Variants in PCDH11X observed in about 807,000 individuals in gnomAD.
PCDH11X encodes protocadherin 11 X-linked, also known as protocadherin-11 X-linked.
PCDH11X carries 18 observed loss-of-function variants against 53.3 expected under a neutral mutation model. That is an observed-to-expected ratio of 0.34 (90% CI 0.23 to 0.50). The LOEUF (loss-of-function observed/expected upper bound fraction) is 0.50, where lower values mean the gene tolerates loss of function less well. Ranked by LOEUF, PCDH11X falls within the 20% of genes least tolerant of loss-of-function variation. The pLI, the probability that PCDH11X is intolerant of heterozygous loss-of-function variation, is 0.98. For missense variants in PCDH11X, 570 were observed against 1,032.4 expected (o/e 0.55, Z 6.14); for synonymous variants, 279 against 393.3 (o/e 0.71, Z 3.44).
chrX:92,575,995 TATATATATATATATATACAC>T (rs767909801), intron 10 of PCDH11X, among the ~76,000 whole-genome samples: 841 of 54,826 alleles, frequency 0.015, 40 homozygotes, highest in South Asian at 0.035. Flanking sequence ...TATATATATA[TATATATATATATATATACAC>T]ACACACACAC....
intron 6 of PCDH11X, among the ~76,000 whole-genome samples, chrX:92,059,897 G>C (rs1362346563): frequency 1.8e-5 from 2 of 110,104 alleles, no homozygotes; most frequent in African/African-American, 6.6e-5. Context: ...GTCATCATTT[G>C]AAAAACTTAT....
intron 5 of PCDH11X, among the ~76,000 whole-genome samples, chrX:91,851,917 T>A (rs1417149435): frequency 9.0e-6 from 1 of 111,376 alleles, no homozygotes; most frequent in East Asian, 2.8e-4. Context: ...AAGCTTTGCT[T>A]TTCATGTTTT....
intron 6 of PCDH11X, among the ~76,000 whole-genome samples, chrX:92,135,388 C>G (rs1490921701): frequency 9.0e-6 from 1 of 110,656 alleles, no homozygotes; most frequent in Non-Finnish European, 1.9e-5. Flanking sequence ...ATATCCCATC[C>G]AGGAATGAAT....
At chrX:92,571,908 T>C (rs1180998819) in intron 10 of PCDH11X, among the ~76,000 whole-genome samples, 1 of 112,137 alleles carries the variant, frequency 8.9e-6, no homozygotes, top group African/African-American at 3.2e-5. Context: ...GTTGGTTAAA[T>C]AGAATATTTG....
chrX:92,529,306 T>C (rs2074513690), intron 10 of PCDH11X, among the ~76,000 whole-genome samples: 1 of 109,399 alleles, frequency 9.1e-6, no homozygotes, highest in African/African-American at 3.3e-5. Flanking sequence ...GAAAAGGTTA[T>C]TCTAACAGTG....
At chrX:92,106,162 G>T (rs941506645) in intron 6 of PCDH11X, among the ~76,000 whole-genome samples, 1 of 108,620 alleles carries the variant, frequency 9.2e-6, no homozygotes, top group Admixed American at 1.0e-4. Flanking sequence ...TCAGATTAAC[G>T]TTAGAATCAA....
chrX:92,418,890 T>C (rs770001770), intron 9 of PCDH11X, among the ~76,000 whole-genome samples: 1 of 106,232 alleles, frequency 9.4e-6, no homozygotes, highest in African/African-American at 3.4e-5. Flanking sequence ...TTTAATGTAA[T>C]GTTCCCTCTA....
At chrX:92,070,701 T>C (rs1186205016) in intron 6 of PCDH11X, among the ~76,000 whole-genome samples, 3 of 111,730 alleles carry the variant, frequency 2.7e-5, no homozygotes, top group Non-Finnish European at 5.6e-5. Context: ...TGAGTGTTTA[T>C]ATCTTTCTCT....
chrX:92,234,217 C>A (rs1424748665), intron 7 of PCDH11X, among the ~76,000 whole-genome samples: 2 of 111,932 alleles, frequency 1.8e-5, no homozygotes, highest in Non-Finnish European at 3.8e-5. Flanking sequence ...TTGTCTATAG[C>A]ATGTCAATAG....
chrX:92,458,999 C>T (rs1203864180), intron 9 of PCDH11X, among the ~76,000 whole-genome samples: 1 of 111,253 alleles, frequency 9.0e-6, no homozygotes, highest in East Asian at 2.8e-4. Context: ...TCATCAAAAG[C>T]GTAGGAGCGT....
intron 10 of PCDH11X, among the ~76,000 whole-genome samples, chrX:92,580,464 G>A (rs754241604): frequency 9.4e-5 from 10 of 106,079 alleles, no homozygotes; most frequent in Non-Finnish European, 1.9e-4. Flanking sequence ...AATGAGGCCC[G>A]ACTCAGTGAA....
At chrX:92,261,261 A>G (rs139200805) in intron 7 of PCDH11X, among the ~76,000 whole-genome samples, 159 of 111,692 alleles carry the variant, frequency 1.4e-3, no homozygotes, top group African/African-American at 4.7e-3. Context: ...TATCGTTTTA[A>G]TATTTCCCAC....
At chrX:91,881,243 G>T (rs959257308) in intron 6 of PCDH11X, among the ~76,000 whole-genome samples, 7 of 110,514 alleles carry the variant, frequency 6.3e-5, no homozygotes, top group Admixed American at 1.9e-4. Flanking sequence ...ATCCTAAAAA[G>T]TCATTAAAAA....
intron 10 of PCDH11X, among the ~76,000 whole-genome samples, chrX:92,484,237 A>G (rs1244318124): frequency 6.2e-5 from 6 of 96,741 alleles, no homozygotes; most frequent in Non-Finnish European, 1.0e-4. Flanking sequence ...ATATATGTAT[A>G]TATGTATATA....
Position 92,618,372 on chromosome X carries a change from A to T in PCDH11X, c.3476A>T (p.Asp1159Val). 2.5e-6 allele frequency: 3 copies of T among 1,211,444 alleles called. No individual in the cohort carries two copies. Among genetic ancestry groups the T allele is most frequent in the African/African-American group, 1.7e-5 (1 of 57,697 alleles). The change falls in exon 11 of 11, where the codon GAT (aspartate) becomes GTT (valine). Residue 1159 changes from aspartate to valine, a missense_variant. By Grantham distance (152) the Asp-to-Val change is radical (BLOSUM62 -3). Coordinates refer to ENST00000682573, the MANE Select transcript of PCDH11X (RefSeq NM_032968.5). ...GCCTGCTGGATGCCGGCATCTCTGG[A>T]TCATTCCAGCTCTTCGCAAGCACAG... is the stretch of plus-strand genomic sequence containing the variant. ...SDACWMPASLDHSSSSQAQAS... is the reference protein window; with the variant it reads ...SDACWMPASLVHSSSSQAQAS...
At chrX:92,052,539 TTCTC>T (rs762903250) in intron 6 of PCDH11X, among the ~76,000 whole-genome samples, 10 of 62,724 alleles carry the variant, frequency 1.6e-4, no homozygotes, top group Non-Finnish European at 2.7e-4. Flanking sequence ...CTAATTCATT[TTCTC>T]TCTCTTTCTC....
At chrX:92,225,125 C>A (rs775611246) in intron 7 of PCDH11X, among the ~76,000 whole-genome samples, 2 of 111,362 alleles carry the variant, frequency 1.8e-5, no homozygotes, top group East Asian at 5.7e-4. Context: ...CACATTTTTT[C>A]TTTTAATTTT....
At chrX:91,943,609 C>T (rs1452596436) in intron 6 of PCDH11X, among the ~76,000 whole-genome samples, 8 of 102,839 alleles carry the variant, frequency 7.8e-5, no homozygotes, top group Non-Finnish European at 1.2e-4. Flanking sequence ...TAAGATAGAA[C>T]ATCCATGTAA....
intron 7 of PCDH11X, among the ~76,000 whole-genome samples, chrX:92,221,278 A>AATACACACACACAC (rs1249262957): frequency 0.023 from 1,996 of 88,000 alleles, 82 homozygotes; most frequent in Non-Finnish European, 0.03. Flanking sequence ...CATTGTATAC[A>AATACACACACACAC]ACACACACAC....
Sources: gnomAD v4.1 joint callset for allele counts (sites outside exome capture counted in the v4.1 genomes callset) on GRCh38, gnomAD v4.1.1 for gene constraint, MANE v1.5 for transcripts, NCBI Gene and HGNC (gene_info 2026-07-23, HGNC 2026-07-21) for gene names.